The following UBA6 variants were observed in gnomAD, a reference collection of about 807,000 sequenced individuals.
The protein encoded by UBA6 is ubiquitin like modifier activating enzyme 6.
A neutral mutation model predicts 148.3 loss-of-function variants in UBA6; 87 were observed. That is an observed-to-expected ratio of 0.59 (90% CI 0.49 to 0.70). The LOEUF (loss-of-function observed/expected upper bound fraction) is 0.70. UBA6 is among the 30% of genes least tolerant of loss of function. The probability of loss-of-function intolerance (pLI) is 0.00; values close to 1 mark genes in which losing one functional copy is unlikely to be tolerated. For missense variants in UBA6, 1,186 were observed against 1,241.2 expected (o/e 0.96, Z 0.67); for synonymous variants, 376 against 401.0 (o/e 0.94, Z 0.75).
intron 2 of UBA6, among the ~76,000 whole-genome samples, chr4:67,691,585 T>A (rs1364171263): frequency 6.6e-6 from 1 of 152,218 alleles, no homozygotes; most frequent in African/African-American, 2.4e-5. Context: ...TTTTTCATCA[T>A]GTTTAATGTG....
Position 67,617,708 on chromosome 4 carries a change from T to C in UBA6, c.*1289A>G, listed in dbSNP as rs961055399. The C allele has an allele frequency of 1.3e-5, 2 of 152,120 alleles. No homozygotes were observed. Among genetic ancestry groups the C allele is most frequent in the Non-Finnish European group, 1.5e-5 (1 of 67,970 alleles). 9.4% of individuals were successfully genotyped at this position (152,120 alleles called of 1,614,324 possible). ...TAATATTGATGTTAATCTAGTTTTT[T>C]ATTTAACAAAGTACCTACTAATGGT... On this transcript the variant is annotated 3_prime_UTR_variant, in exon 33 of 33. Coordinates refer to ENST00000322244, the MANE Select transcript of UBA6 (RefSeq NM_018227.6).
chr4:67,666,977 G>A (rs749617360), intron 9 of UBA6, among the ~76,000 whole-genome samples: 5 of 152,082 alleles, frequency 3.3e-5, no homozygotes, highest in Admixed American at 6.5e-5. Flanking sequence ...ATTTATAAAT[G>A]TTAAGGAAAA....
At chr4:67,699,909 G>GT (rs961540114) in intron 1 of UBA6, among the ~76,000 whole-genome samples, 4 of 152,234 alleles carry the variant, frequency 2.6e-5, no homozygotes, top group African/African-American at 7.2e-5. Flanking sequence ...CCCGGCCAAA[G>GT]TTTTTTATTA....
intron 13 of UBA6, among the ~76,000 whole-genome samples, chr4:67,653,543 A>G (rs1729609280): frequency 6.6e-6 from 1 of 152,218 alleles, no homozygotes; most frequent in South Asian, 2.1e-4. Context: ...ACCAACATCA[A>G]AGACCAAAAG....
intron 2 of UBA6, among the ~76,000 whole-genome samples, chr4:67,688,823 C>G (rs1019370149): frequency 6.6e-6 from 1 of 151,922 alleles, no homozygotes; most frequent in Non-Finnish European, 1.5e-5. Flanking sequence ...ATAGGGAAAT[C>G]TAATTGTTTA....
At position 67,630,533 on chromosome 4, in the gene UBA6, T is replaced by G. The variant is rs1728973318; in HGVS notation, c.2261A>C (p.His754Pro). ...TGCAGCATTCTGAAGGAAACTGAGGTGCCTTTTGAAATTAAAAAATAAAGC... is the reference window on the plus strand; with the variant it reads ...TGCAGCATTCTGAAGGAAACTGAGGGGCCTTTTGAAATTAAAAAATAAAGC... ...PIKFDLNEPL[H>P]LSFLQNAAKL... Residue 754 changes from histidine to proline, a missense_variant and splice_region_variant, in exon 26 of 33, where the codon CAC becomes CCC. Physicochemically the swap from His to Pro is moderately conservative, Grantham distance 77. Coordinates refer to ENST00000322244, the MANE Select transcript of UBA6 (RefSeq NM_018227.6). 4.5e-6 allele frequency: 7 copies of G among 1,571,780 alleles called. No individual in the cohort carries two copies. The highest frequency in any genetic ancestry group is 6.0e-6 in the Non-Finnish European group (7 of 1,160,146).
intron 2 of UBA6, among the ~76,000 whole-genome samples, chr4:67,687,742 C>G (rs1377788849): frequency 1.3e-5 from 2 of 152,192 alleles, no homozygotes; most frequent in African/African-American, 4.8e-5. Flanking sequence ...ATTTGGTTTT[C>G]TGTTCCTACA....
chr4:67,623,345 G>T, intron 30 of UBA6, 123 bp from the exon 31 acceptor site: 1 of 650,240 alleles, frequency 1.5e-6, no homozygotes, highest in South Asian at 2.0e-5. Flanking sequence ...AAATTAATGT[G>T]GGGAAATAAA....
At chr4:67,699,296 C>T (rs114140512) in intron 1 of UBA6, among the ~76,000 whole-genome samples, 60 of 152,266 alleles carry the variant, frequency 3.9e-4, no homozygotes, top group Non-Finnish European at 7.4e-4. Flanking sequence ...AAAAACAATG[C>T]GATGGCATCA....
In UBA6 at chr4:67,663,961, A is replaced by T. The variant is rs1729927713; in HGVS notation, c.898-14T>A. On this transcript the variant is annotated splice_polypyrimidine_tract_variant and intron_variant, in intron 10 of 32. Coordinates refer to ENST00000322244, the MANE Select transcript of UBA6 (RefSeq NM_018227.6). ...CTCCAGTGATTCCTGATAGGAAGGAAAAAGTCATTACTTCAGAGTGAGTGA... is the reference window on the plus strand; with the variant it reads ...CTCCAGTGATTCCTGATAGGAAGGATAAAGTCATTACTTCAGAGTGAGTGA... 3 of 1,606,626 alleles carry T rather than the reference A, an allele frequency of 1.9e-6. No individual in the cohort carries two copies. In the East Asian group the frequency reaches 6.7e-5, roughly 36 times the overall value.
chr4:67,650,347 G>A (rs1729523802), intron 13 of UBA6, among the ~76,000 whole-genome samples: 2 of 152,224 alleles, frequency 1.3e-5, no homozygotes, highest in African/African-American at 2.4e-5. Context: ...AAATGGTGAA[G>A]CCAGGATCTG....
intron 2 of UBA6, among the ~76,000 whole-genome samples, chr4:67,693,280 G>T (rs1254992452): frequency 2.0e-5 from 3 of 151,608 alleles, no homozygotes; most frequent in African/African-American, 7.3e-5. Flanking sequence ...TTTCTTACAT[G>T]ATTTTCTTAA....
chr4:67,630,372 T>TAACA (rs1244042724), intron 26 of UBA6, 94 bp downstream of exon 26: 1 of 833,028 alleles, frequency 1.2e-6, no homozygotes. Context: ...GTGATTCTTA[T>TAACA]AACAAACAAA....
At chr4:67,635,835 T>C (rs1001949754) in intron 19 of UBA6, among the ~76,000 whole-genome samples, 2 of 145,032 alleles carry the variant, frequency 1.4e-5, no homozygotes, top group African/African-American at 5.0e-5. Context: ...CCTTGCTTTA[T>C]ATTTCTTCTT....
chr4:67,641,131 G>T lies in UBA6; in HGVS notation c.1554+20C>A. ...TTTGTATAATACATGATTTAAATTTGAAACAGAATAGCAACATACCTGTAT... is the reference window on the plus strand; with the variant it reads ...TTTGTATAATACATGATTTAAATTTTAAACAGAATAGCAACATACCTGTAT... On this transcript the variant is annotated intron_variant, in intron 18 of 32. Transcript: ENST00000322244. The T allele has an allele frequency of 1.4e-6, 2 of 1,472,648 alleles. No homozygotes were observed. The highest frequency in any genetic ancestry group is 1.3e-5 in the South Asian group (1 of 78,246). The allele number at this position is 1,472,648 out of a possible 1,614,324, so 91.2% of individuals were successfully genotyped here. A position where few individuals can be genotyped will look rare whatever the true frequency, so the allele number is the denominator to read the frequency against.
At chr4:67,652,683 GGT>G (rs1729581424) in intron 13 of UBA6, among the ~76,000 whole-genome samples, 1 of 152,176 alleles carries the variant, frequency 6.6e-6, no homozygotes, top group African/African-American at 2.4e-5. Context: ...TTGGACAGTG[GGT>G]GCAGCCCATG....
chr4:67,626,234 T>C (rs895645158), intron 28 of UBA6, 126 bp downstream of exon 28: 3 of 660,750 alleles, frequency 4.5e-6, no homozygotes, highest in East Asian at 2.8e-5. Flanking sequence ...AATATGATCA[T>C]GAAATCAATC....
At chr4:67,656,127 C>T (rs1194173857) in intron 13 of UBA6, among the ~76,000 whole-genome samples, 3 of 152,170 alleles carry the variant, frequency 2.0e-5, no homozygotes, top group African/African-American at 7.2e-5. Context: ...GAGCTGGTAC[C>T]ATTCCTTCTG....
intron 28 of UBA6, among the ~76,000 whole-genome samples, chr4:67,625,528 A>G (rs1728848136): frequency 6.6e-6 from 1 of 152,054 alleles, no homozygotes; most frequent in Admixed American, 6.6e-5. Context: ...TACAATAAAA[A>G]AGCCAACATT....
Sources: allele counts gnomAD v4.1 joint callset (sites outside exome capture counted in the v4.1 genomes callset), GRCh38; gene constraint gnomAD v4.1.1; transcripts MANE v1.5; gene names NCBI Gene and HGNC (gene_info 2026-07-23, HGNC 2026-07-21).